Variants in MCUB observed in about 807,000 individuals in gnomAD.
MCUB encodes the protein calcium uniporter regulatory subunit MCUb, mitochondrial.
Under a neutral mutation model 41.4 loss-of-function variants are expected in MCUB, and 46 were observed. That is an observed-to-expected ratio of 1.11 (90% CI 0.88 to 1.42). The LOEUF is 1.42. Among genes scored for constraint, MCUB ranks in the 40% most tolerant of loss-of-function variants. MCUB has a pLI of 0.00. For missense variants in MCUB, 403 were observed against 404.9 expected, an observed-to-expected ratio of 1.00 and a Z score of 0.04; for synonymous variants, 148 against 148.2, an observed-to-expected ratio of 1.00 and a Z score of 0.01.
At chr4:109,568,744 C>T (rs1579042097) in intron 1 of MCUB, among the ~76,000 whole-genome samples, 1 of 152,314 alleles carries the variant, frequency 6.6e-6, no homozygotes, top group South Asian at 2.1e-4. Context: ...AAGACTTTCC[C>T]ACCTGGATTC....
intron 4 of MCUB, 45 bp downstream of exon 4, chr4:109,664,439 T>A (rs567056215): frequency 2.7e-6 from 2 of 747,376 alleles, no homozygotes; most frequent in South Asian, 1.6e-5. Flanking sequence ...TTTTTTTTTT[T>A]AGATGAATTC....
At chr4:109,578,119 C>G (rs947687913) in intron 1 of MCUB, among the ~76,000 whole-genome samples, 1 of 152,120 alleles carries the variant, frequency 6.6e-6, no homozygotes, top group Non-Finnish European at 1.5e-5. Flanking sequence ...GTATCTGTAG[C>G]AAAATTAGAG....
intron 1 of MCUB, among the ~76,000 whole-genome samples, chr4:109,626,314 T>G (rs919863548): frequency 1.4e-4 from 22 of 152,336 alleles, no homozygotes; most frequent in African/African-American, 5.1e-4. Flanking sequence ...CCAGTGATTA[T>G]AAATAAGCTG....
chr4:109,687,488 A>G (rs1729874871), intron 7 of MCUB, 27 bp from the exon 8 acceptor site: 3 of 1,526,014 alleles, frequency 2.0e-6, no homozygotes, highest in Non-Finnish European at 2.7e-6. Flanking sequence ...CTTTCTGATC[A>G]CATGCTTTTT....
chr4:109,616,775 CAT>C (rs1244132517), intron 1 of MCUB, among the ~76,000 whole-genome samples: 2 of 152,238 alleles, frequency 1.3e-5, no homozygotes, highest in Non-Finnish European at 2.9e-5. Flanking sequence ...TTTTTAAAAA[CAT>C]GTACTAAAGT....
rs79048239 is a variant in MCUB, at chr4:109,610,485, A to G, written c.100-48526A>G. ...TTCTCTAAGACGAATATGATGAAAT[A>G]TATTGAGAGATAGTGTTCATTTCCT... On this transcript the variant is annotated intron_variant, in intron 1 of 7. Coordinates refer to ENST00000394650, the MANE Select transcript of MCUB (RefSeq NM_017918.5). Among the ~76,000 whole-genome samples, 547 of 152,290 alleles carry G rather than the reference A, an allele frequency of 3.6e-3. 7 individuals are homozygous for G. The highest frequency in any genetic ancestry group is 0.014 in the East Asian group (71 of 5,180).
At chr4:109,628,503 G>A (rs2126137335) in intron 1 of MCUB, among the ~76,000 whole-genome samples, 1 of 152,324 alleles carries the variant, frequency 6.6e-6, no homozygotes, top group East Asian at 1.9e-4. Context: ...CCAGTTAGGA[G>A]GCAAAGTAGT....
chr4:109,634,019 T>G (rs893919746), intron 1 of MCUB, among the ~76,000 whole-genome samples: 1 of 152,158 alleles, frequency 6.6e-6, no homozygotes, highest in African/African-American at 2.4e-5. Flanking sequence ...TATAAAGAAA[T>G]CTCACCAAGG....
intron 1 of MCUB, among the ~76,000 whole-genome samples, chr4:109,603,088 C>T (rs1727780025): frequency 1.3e-5 from 2 of 152,018 alleles, no homozygotes; most frequent in South Asian, 4.1e-4. Context: ...TTTGGCTCTC[C>T]CTCTCCATCT....
At chr4:109,604,396 A>T (rs988382391) in intron 1 of MCUB, among the ~76,000 whole-genome samples, 16 of 146,962 alleles carry the variant, frequency 1.1e-4, no homozygotes, top group African/African-American at 3.7e-4. Flanking sequence ...AAAAAATTTA[A>T]AAAAAAAAAT....
chr4:109,626,705 C>T (rs1728366452), intron 1 of MCUB, among the ~76,000 whole-genome samples: 1 of 149,494 alleles, frequency 6.7e-6, no homozygotes. Flanking sequence ...CCTACCTATT[C>T]GGGAGGCTGA....
intron 1 of MCUB, among the ~76,000 whole-genome samples, chr4:109,613,544 T>C (rs567122532): frequency 6.6e-6 from 1 of 152,318 alleles, no homozygotes; most frequent in African/African-American, 2.4e-5. Context: ...CTCTTCAACA[T>C]GGAAGCTTGT....
intron 1 of MCUB, among the ~76,000 whole-genome samples, chr4:109,586,381 T>G (rs1039263765): frequency 2.0e-5 from 3 of 152,212 alleles, no homozygotes; most frequent in Non-Finnish European, 4.4e-5. Flanking sequence ...TTTAGCTTCC[T>G]TGCGATGGGT....
chr4:109,617,244 G>A (rs574503727), intron 1 of MCUB, among the ~76,000 whole-genome samples: 116 of 152,308 alleles, frequency 7.6e-4, no homozygotes, highest in Non-Finnish European at 1.5e-3. Context: ...TAGCTCATTG[G>A]TTTGACTTGT....
intron 1 of MCUB, among the ~76,000 whole-genome samples, chr4:109,574,648 G>A (rs1726989047): frequency 6.6e-6 from 1 of 152,168 alleles, no homozygotes; most frequent in Admixed American, 6.5e-5. Flanking sequence ...CAGTCAAAAA[G>A]GGAGAATTTG....
intron 1 of MCUB, among the ~76,000 whole-genome samples, chr4:109,599,720 G>A (rs1227893089): frequency 6.6e-6 from 1 of 151,768 alleles, no homozygotes; most frequent in Non-Finnish European, 1.5e-5. Context: ...GCCCAGGCTG[G>A]AACAGTGGCA....
intron 1 of MCUB, among the ~76,000 whole-genome samples, chr4:109,609,581 T>C (rs1302756880): frequency 6.6e-6 from 1 of 152,166 alleles, no homozygotes; most frequent in Non-Finnish European, 1.5e-5. Flanking sequence ...TTAGAATGTC[T>C]AACCTCCTGG....
intron 4 of MCUB, among the ~76,000 whole-genome samples, chr4:109,667,581 A>G (rs956399744): frequency 4.6e-5 from 7 of 150,604 alleles, no homozygotes; most frequent in Non-Finnish European, 1.0e-4. Context: ...TCTCAATTTC[A>G]TTGGTTTCTA....
chr4:109,672,243 AT>A (rs1356872400), intron 4 of MCUB, among the ~76,000 whole-genome samples: 3 of 152,098 alleles, frequency 2.0e-5, no homozygotes, highest in Non-Finnish European at 2.9e-5. Flanking sequence ...GTAGTTTCCT[AT>A]TATGGAGGAC....
Sources: gnomAD v4.1 joint callset for allele counts (sites outside exome capture counted in the v4.1 genomes callset) on GRCh38, gnomAD v4.1.1 for gene constraint, MANE v1.5 for transcripts, NCBI Gene and HGNC (gene_info 2026-07-23, HGNC 2026-07-21) for gene names.